The following KCNQ1 variants were observed in gnomAD, a reference collection of about 807,000 sequenced individuals.
KCNQ1 encodes potassium voltage-gated channel subfamily KQT member 1.
KCNQ1 carries 49 observed loss-of-function variants against 72.4 expected under a neutral mutation model. That is an observed-to-expected ratio of 0.68 (90% CI 0.54 to 0.86). The LOEUF (loss-of-function observed/expected upper bound fraction) is 0.86. Ranked by LOEUF, KCNQ1 falls within the 40% of genes least tolerant of loss-of-function variation. The pLI, the probability that KCNQ1 is intolerant of heterozygous loss-of-function variation, is 0.00. For missense variants in KCNQ1, 790 were observed against 945.1 expected, an observed-to-expected ratio of 0.84 and a Z score of 2.15; for synonymous variants, 450 against 412.6, an observed-to-expected ratio of 1.09 and a Z score of -1.10.
intron 11 of KCNQ1, among the ~76,000 whole-genome samples, chr11:2,726,170 G>A (rs781662041): frequency 5.3e-5 from 8 of 152,216 alleles, no homozygotes; most frequent in Non-Finnish European, 1.2e-4. Flanking sequence ...GCTTCCAGCT[G>A]GCCAGGGCAG....
At chr11:2,717,749 G>A (rs2133925239) in intron 11 of KCNQ1, among the ~76,000 whole-genome samples, 1 of 152,304 alleles carries the variant, frequency 6.6e-6, no homozygotes, top group East Asian at 1.9e-4. Flanking sequence ...GGGCAGCACT[G>A]GGGAGCCTGA....
chr11:2,474,504 C>A (rs1055540249), intron 1 of KCNQ1, among the ~76,000 whole-genome samples: 5 of 152,216 alleles, frequency 3.3e-5, no homozygotes, highest in Non-Finnish European at 5.9e-5. Context: ...CCATTAAATG[C>A]AGAGGCCATC....
intron 11 of KCNQ1, chr11:2,672,157 G>T: frequency 2.5e-6 from 1 of 398,654 alleles, no homozygotes; most frequent in Non-Finnish European, 4.4e-6. Context: ...TCAAAGTTGG[G>T]CTTGTTTTTC....
intron 12 of KCNQ1, among the ~76,000 whole-genome samples, chr11:2,770,531 C>A (rs767819946): frequency 6.6e-6 from 1 of 152,242 alleles, no homozygotes; most frequent in Non-Finnish European, 1.5e-5. Flanking sequence ...ACAGCCCTCC[C>A]ACAGTGGTGT....
Position 2,783,817 on chromosome 11 carries a change from A to G in KCNQ1, c.1794+5780A>G, listed in dbSNP as rs2133999494. On this transcript the variant is annotated intron_variant, in intron 15 of 15. Transcript: ENST00000155840. The surrounding 1 kb of genome is among the most constrained non-coding windows in gnomAD (Gnocchi z 5.2). ...TCTTCTTTGGTGAAATGTTTATTCAACTCTCTTGCCCATTTTCTAATTAAG... is the reference window on the plus strand; with the variant it reads ...TCTTCTTTGGTGAAATGTTTATTCAGCTCTCTTGCCCATTTTCTAATTAAG... Among the ~76,000 whole-genome samples the G allele has an allele frequency of 6.6e-6, 1 of 150,674 alleles. No homozygotes were observed. The highest frequency in any genetic ancestry group is 2.1e-4 in the South Asian group (1 of 4,772).
rs548056445 is a variant in KCNQ1, at chr11:2,772,833, G to A, written c.1591-3127G>A. Among the ~76,000 whole-genome samples, 19 of 152,300 alleles carry A rather than the reference G, an allele frequency of 1.2e-4. No homozygotes were observed. In the South Asian group the frequency reaches 3.7e-3, roughly 30 times the overall value. On this transcript the variant is annotated intron_variant, in intron 12 of 15. Transcript: ENST00000155840. The surrounding 1 kb of genome is among the most constrained non-coding windows in gnomAD (Gnocchi z 6.6). ...AGTGGCCCAGAGACTCCTAGGGCTT[G>A]GTTTTCCCCTGCCCTGCCTCCCTTC...
At chr11:2,594,866 T>C (rs1848714206) in intron 10 of KCNQ1, among the ~76,000 whole-genome samples, 1 of 152,246 alleles carries the variant, frequency 6.6e-6, no homozygotes, top group South Asian at 2.1e-4. Flanking sequence ...GAGAGTCTAA[T>C]TCTGTTCACT....
chr11:2,445,208 C>A lies in KCNQ1; in HGVS notation c.110C>A (p.Ser37Ter). The change falls in exon 1 of 16, where the codon TCG becomes TAG. Residue 37 changes from serine (S) to a stop codon, truncating the protein, a stop_gained. Transcript: ENST00000155840. LOFTEE classifies it high-confidence loss of function. ...GGCCTGGCCAAGAAGTGCCCCTTCT[C>A]GCTGGAGCTGGCGGAGGGCGGCCCG... Reference protein sequence around the residue: ...SAGLAKKCPFSLELAEGGPAG... With the variant: ...SAGLAKKCPF The A allele has an allele frequency of 8.7e-7, 1 of 1,144,904 alleles. No individual in the cohort carries two copies. The highest frequency in any genetic ancestry group is 1.1e-6 in the Non-Finnish European group (1 of 927,610). The allele number at this position is 1,144,904 out of a possible 1,614,324, so 70.9% of individuals were successfully genotyped here. A position where few individuals can be genotyped will look rare whatever the true frequency, so the allele number is the denominator to read the frequency against.
In KCNQ1 at chr11:2,847,969, C is replaced by T. The variant is rs1226404635; in HGVS notation, c.1997C>T (p.Thr666Ile). The T allele has an allele frequency of 6.4e-7, 1 of 1,558,996 alleles. No homozygotes were observed. The highest frequency in any genetic ancestry group is 8.7e-7 in the Non-Finnish European group (1 of 1,150,262). The stretch of plus-strand genomic sequence containing the variant: ...ACCCTGCCCACCTACGAGCAGCTGA[C>T]CGTGCCCAGGAGGGGCCCCGATGAG... Reference protein sequence around the residue: ...SNTLPTYEQLTVPRRGPDEGS With the variant: ...SNTLPTYEQLIVPRRGPDEGS Residue 666 changes from threonine (T) to isoleucine (I), a missense_variant, in exon 16 of 16, where the codon ACC becomes ATC. Coordinates refer to ENST00000155840, the MANE Select transcript of KCNQ1 (RefSeq NM_000218.3).
At chr11:2,751,288 A>C (rs2133963116) in intron 11 of KCNQ1, among the ~76,000 whole-genome samples, 2 of 152,258 alleles carry the variant, frequency 1.3e-5, no homozygotes, top group Middle Eastern at 3.4e-3. Flanking sequence ...CCACACCCTC[A>C]TCCAAACCCT....
At chr11:2,582,981 G>T (rs1848525092) in intron 6 of KCNQ1, among the ~76,000 whole-genome samples, 1 of 152,128 alleles carries the variant, frequency 6.6e-6, no homozygotes, top group Non-Finnish European at 1.5e-5. Flanking sequence ...TGGTGCCCTG[G>T]AGTGGCGTCA....
Position 2,767,995 on chromosome 11 carries a change from G to A in KCNQ1, c.1515-849G>A, listed in dbSNP as rs1022813175. On this transcript the variant is annotated intron_variant, in intron 11 of 15. Coordinates refer to ENST00000155840, the MANE Select transcript of KCNQ1 (RefSeq NM_000218.3). The surrounding 1 kb of genome is among the most constrained non-coding windows in gnomAD (Gnocchi z 4.6). ...CTGACAAGTGCCCTGAGGAGGAAAC[G>A]CTCGGATGCAGGCGCAGCTCAGTTC... Among the ~76,000 whole-genome samples the A allele has an allele frequency of 1.6e-4, 24 of 152,324 alleles. No individual in the cohort carries two copies. Among genetic ancestry groups the A allele is most frequent in the South Asian group, 2.1e-4 (1 of 4,820 alleles).
intron 1 of KCNQ1, among the ~76,000 whole-genome samples, chr11:2,460,651 C>T (rs1329968514): frequency 6.6e-6 from 1 of 152,236 alleles, no homozygotes; most frequent in Admixed American, 6.5e-5. Flanking sequence ...GGCCCCTTTG[C>T]CAAAGCCCTG....
In KCNQ1 at chr11:2,446,116, C is replaced by T. The variant is rs1846032954; in HGVS notation, c.386+632C>T. Among the ~76,000 whole-genome samples the T allele has an allele frequency of 6.6e-6, 1 of 152,240 alleles. No homozygotes were observed. Among genetic ancestry groups the T allele is most frequent in the African/African-American group, 2.4e-5 (1 of 41,472 alleles). On this transcript the variant is annotated intron_variant, in intron 1 of 15. Transcript: ENST00000155840. This position sits in a 1 kb window ranked among gnomAD's most constrained non-coding sequence, Gnocchi z 8.8. ...GTTTGCAGCTCTCACTAAGAGGCAGCTGTGCTCCCGGAGAAAGCAGCGCTG... is the reference window on the plus strand; with the variant it reads ...GTTTGCAGCTCTCACTAAGAGGCAGTTGTGCTCCCGGAGAAAGCAGCGCTG...
intron 10 of KCNQ1, chr11:2,610,901 T>C (rs913224900): frequency 1.8e-5 from 7 of 398,212 alleles, no homozygotes; most frequent in Non-Finnish European, 3.1e-5. Context: ...CATCCAAGAA[T>C]AGTAGTTGGG....
rs1850196390 is a variant in KCNQ1, at chr11:2,672,231, T to C, written c.1514+10150T>C. The stretch of plus-strand genomic sequence containing the variant: ...AAATTGAATTCCTTCCAGTCCAAAA[T>C]ACTCAAATGCTTTTTTCTGCTTTTC... On this transcript the variant is annotated intron_variant, in intron 11 of 15. Coordinates refer to ENST00000155840, the MANE Select transcript of KCNQ1 (RefSeq NM_000218.3). 1.0e-5 allele frequency: 4 copies of C among 398,552 alleles called. No individual in the cohort carries two copies. In the Admixed American group the frequency reaches 1.3e-4, roughly 13 times the overall value. 24.7% of individuals were successfully genotyped at this position (398,552 alleles called of 1,614,324 possible). A position where few individuals can be genotyped will look rare whatever the true frequency, so the allele number is the denominator to read the frequency against.
chr11:2,545,950 T>C (rs1847897368), intron 2 of KCNQ1, among the ~76,000 whole-genome samples: 1 of 152,208 alleles, frequency 6.6e-6, no homozygotes, highest in Admixed American at 6.5e-5. Context: ...AATTTATGGA[T>C]CTCAAAGAAT....
chr11:2,479,075 G>A lies in KCNQ1; in HGVS notation c.386+33591G>A, dbSNP rs1239389424. Among the ~76,000 whole-genome samples the A allele has an allele frequency of 1.3e-5, 2 of 152,240 alleles. No homozygotes were observed. The highest frequency in any genetic ancestry group is 2.9e-5 in the Non-Finnish European group (2 of 68,048). On this transcript the variant is annotated intron_variant, in intron 1 of 15. Coordinates refer to ENST00000155840, the MANE Select transcript of KCNQ1 (RefSeq NM_000218.3). This position sits in a 1 kb window ranked among gnomAD's most constrained non-coding sequence, Gnocchi z 4.6. ...TAGGTCATGCTGATGCAAGAGGTGG[G>A]TTCCCATAGTCTTGAGCAGCTCTGC... is the stretch of plus-strand genomic sequence containing the variant.
intron 10 of KCNQ1, chr11:2,649,986 ATTG>A (rs1849732787): frequency 5.0e-6 from 2 of 398,158 alleles, no homozygotes; most frequent in Non-Finnish European, 8.9e-6. Flanking sequence ...ATTCTTTTTT[ATTG>A]TTATTTTTTA....
Sources: allele counts gnomAD v4.1 joint callset (sites outside exome capture counted in the v4.1 genomes callset), GRCh38; gene constraint gnomAD v4.1.1; non-coding constraint Gnocchi (gnomAD v3.1); transcripts MANE v1.5; gene names NCBI Gene and HGNC (gene_info 2026-07-23, HGNC 2026-07-21).